Variants in FANCB observed in about 807,000 individuals in gnomAD.
FANCB encodes FA complementation group B.
Under a neutral mutation model 38.9 loss-of-function variants are expected in FANCB, and 5 were observed. The observed-to-expected ratio is 0.13, with a 90% CI of 0.07 to 0.27. The LOEUF (loss-of-function observed/expected upper bound fraction) is 0.27. Among genes scored for constraint, FANCB ranks in the 10% least tolerant of loss-of-function variants. The pLI, the probability that FANCB is intolerant of heterozygous loss-of-function variation, is 1.00. For synonymous variants in FANCB, 236 were observed against 215.4 expected, an observed-to-expected ratio of 1.10 and a Z score of -0.84; for missense variants, 573 against 602.7, an observed-to-expected ratio of 0.95 and a Z score of 0.52.
chrX:14,724,958 G>A, the FANCB span, among the ~76,000 whole-genome samples: 1 of 111,560 alleles, frequency 9.0e-6, no homozygotes, highest in African/African-American at 3.3e-5. Flanking sequence ...GATAATGGAA[G>A]CCATTTGGGA....
intron 2 of FANCB, among the ~76,000 whole-genome samples, chrX:14,868,718 T>A (rs2092481614): frequency 8.9e-6 from 1 of 111,812 alleles, no homozygotes; most frequent in African/African-American, 3.2e-5. Context: ...ATTTATTACT[T>A]ATTACAAAAT....
At chrX:14,809,211 G>A in the FANCB span, among the ~76,000 whole-genome samples, 75 of 112,518 alleles carry the variant, frequency 6.7e-4, 2 homozygotes, top group Middle Eastern at 0.027. Context: ...CAAGATGGCC[G>A]AATAGGAACA....
the FANCB span, among the ~76,000 whole-genome samples, chrX:14,728,485 G>A: frequency 8.9e-6 from 1 of 112,025 alleles, no homozygotes; most frequent in Non-Finnish European, 1.9e-5. Context: ...AGCAAATGAG[G>A]TTTCTGTTTT....
At chrX:14,816,364 G>C in the FANCB span, among the ~76,000 whole-genome samples, 1 of 111,866 alleles carries the variant, frequency 8.9e-6, no homozygotes, top group Admixed American at 9.5e-5. Flanking sequence ...ATGTTTCCAA[G>C]TATTTTCAAG....
chrX:14,798,755 C>T, the FANCB span, among the ~76,000 whole-genome samples: 2 of 111,806 alleles, frequency 1.8e-5, no homozygotes, highest in Admixed American at 9.5e-5. Flanking sequence ...GTTTTCTTGT[C>T]AACTTGGCTA....
At chrX:14,746,702 C>T in the FANCB span, among the ~76,000 whole-genome samples, 4 of 112,245 alleles carry the variant, frequency 3.6e-5, no homozygotes, top group Middle Eastern at 9.2e-3. Context: ...CAACATTCCA[C>T]TTCCAGTTAC....
chrX:14,809,210 C>T, the FANCB span, among the ~76,000 whole-genome samples: 4 of 112,196 alleles, frequency 3.6e-5, no homozygotes, highest in Non-Finnish European at 5.6e-5. Context: ...CCAAGATGGC[C>T]GAATAGGAAC....
chrX:14,832,367 C>T (rs2092329489), downstream of FANCB, among the ~76,000 whole-genome samples: 1 of 111,696 alleles, frequency 9.0e-6, no homozygotes, highest in Non-Finnish European at 1.9e-5. Context: ...CCGTGAGTCA[C>T]TGGAATGCAG....
chrX:14,741,906 T>C, the FANCB span, among the ~76,000 whole-genome samples: 1 of 111,691 alleles, frequency 9.0e-6, no homozygotes, highest in Non-Finnish European at 1.9e-5. Flanking sequence ...GTAACCTTTA[T>C]GGTTATCTGT....
At chrX:14,781,708 C>T in the FANCB span, among the ~76,000 whole-genome samples, 1 of 111,748 alleles carries the variant, frequency 8.9e-6, no homozygotes, top group Non-Finnish European at 1.9e-5. Context: ...GCAGCATCCA[C>T]CATCACAAGT....
At chrX:14,750,838 C>A in the FANCB span, among the ~76,000 whole-genome samples, 1 of 108,679 alleles carries the variant, frequency 9.2e-6, no homozygotes, top group African/African-American at 3.4e-5. Context: ...TGAAAATAGG[C>A]CTTCATAGTT....
At chrX:14,712,851 A>G in the FANCB span, among the ~76,000 whole-genome samples, 1 of 111,741 alleles carries the variant, frequency 8.9e-6, no homozygotes, top group Non-Finnish European at 1.9e-5. Context: ...CGTGTCTAAC[A>G]AAGCAGCCTC....
At chrX:14,826,341 A>G in the FANCB span, among the ~76,000 whole-genome samples, 1 of 111,858 alleles carries the variant, frequency 8.9e-6, no homozygotes, top group Admixed American at 9.5e-5. Context: ...CCCTAGAGAA[A>G]CAAAGAGTGT....
At chrX:14,736,366 T>C in the FANCB span, among the ~76,000 whole-genome samples, 1 of 111,297 alleles carries the variant, frequency 9.0e-6, no homozygotes, top group Admixed American at 9.5e-5. Context: ...GCCCTGGTGG[T>C]GTAGGCATCC....
the FANCB span, among the ~76,000 whole-genome samples, chrX:14,702,696 T>C: frequency 9.0e-6 from 1 of 111,545 alleles, no homozygotes; most frequent in East Asian, 2.8e-4. Flanking sequence ...AATCAAGGTA[T>C]TGGCAGGACT....
chrX:14,749,128 CA>C, the FANCB span, among the ~76,000 whole-genome samples: 5 of 111,595 alleles, frequency 4.5e-5, no homozygotes, highest in African/African-American at 1.3e-4. Flanking sequence ...ATATGAAAAG[CA>C]AGGATGAAGA....
Position 14,848,455 on chromosome X carries a change from C to T in FANCB, c.1496+2050G>A, listed in dbSNP as rs183930689. ...TGGATAAGATAGGGCTATAAACACCCTCATCTTGCCACGGCTCTTCTAGGC... is the reference window on the plus strand; with the variant it reads ...TGGATAAGATAGGGCTATAAACACCTTCATCTTGCCACGGCTCTTCTAGGC... On this transcript the variant is annotated intron_variant, in intron 7 of 9. Transcript: ENST00000650831. Among the ~76,000 whole-genome samples, 346 of 111,772 alleles carry T rather than the reference C, an allele frequency of 3.1e-3. 1 individual carries two copies. The highest frequency in any genetic ancestry group is 0.01 in the African/African-American group (312 of 30,746).
the FANCB span, among the ~76,000 whole-genome samples, chrX:14,773,711 G>A: frequency 8.9e-6 from 1 of 111,913 alleles, no homozygotes; most frequent in Non-Finnish European, 1.9e-5. Context: ...CTTGTAAACA[G>A]CAAGAGTGGG....
At chrX:14,747,570 C>T in the FANCB span, among the ~76,000 whole-genome samples, 1 of 112,257 alleles carries the variant, frequency 8.9e-6, no homozygotes, top group South Asian at 3.7e-4. Flanking sequence ...AGTTTCACTC[C>T]AAATACAACT....
Sources: allele counts gnomAD v4.1 joint callset (sites outside exome capture counted in the v4.1 genomes callset), GRCh38; gene constraint gnomAD v4.1.1; transcripts MANE v1.5; gene names NCBI Gene and HGNC (gene_info 2026-07-23, HGNC 2026-07-21).